The following RBM25 variants were observed in gnomAD, a reference collection of about 807,000 sequenced individuals.
RBM25 encodes RNA-binding protein 25.
Under a neutral mutation model 120.7 loss-of-function variants are expected in RBM25, and 19 were observed. The observed-to-expected ratio is 0.16, with a 90% CI of 0.11 to 0.23. The LOEUF (loss-of-function observed/expected upper bound fraction) is 0.23, where lower values mean the gene tolerates loss of function less well. Among genes scored for constraint, RBM25 ranks in the 10% least tolerant of loss-of-function variants. The pLI is 1.00. For synonymous variants in RBM25, 390 were observed against 326.7 expected (o/e 1.19, Z -2.09); for missense variants, 605 against 1,041.5 (o/e 0.58, Z 5.77).
chr14:73,066,903 TAA>T (rs1390269659), intron 1 of RBM25, among the ~76,000 whole-genome samples: 1 of 152,048 alleles, frequency 6.6e-6, no homozygotes, highest in African/African-American at 2.4e-5. Flanking sequence ...TAAATTGAAA[TAA>T]GAGTATATTT....
intron 2 of RBM25, among the ~76,000 whole-genome samples, chr14:73,075,028 CTA>C (rs935875560): frequency 6.7e-6 from 1 of 149,440 alleles, no homozygotes; most frequent in African/African-American, 2.5e-5. Context: ...TGGAGTTTTG[CTA>C]TGTTTCCTAG....
chr14:73,062,299 G>A (rs1895022476), intron 1 of RBM25, among the ~76,000 whole-genome samples: 1 of 151,184 alleles, frequency 6.6e-6, no homozygotes, highest in Non-Finnish European at 1.5e-5. Flanking sequence ...TCTTCTTTGG[G>A]CATAAAACAC....
chr14:73,082,219 G>GT (rs1265807081), intron 4 of RBM25, among the ~76,000 whole-genome samples: 2 of 152,012 alleles, frequency 1.3e-5, no homozygotes, highest in Non-Finnish European at 2.9e-5. Flanking sequence ...GTTTCCATTA[G>GT]TTTTCTCTTG....
chr14:73,075,909 G>C (rs908152837), intron 2 of RBM25, among the ~76,000 whole-genome samples: 4 of 151,628 alleles, frequency 2.6e-5, no homozygotes, highest in Admixed American at 6.6e-5. Context: ...GCCTCCCTAA[G>C]AGCTGGAATT....
chr14:73,077,842 G>A (rs1202870586), intron 4 of RBM25, among the ~76,000 whole-genome samples: 1 of 152,152 alleles, frequency 6.6e-6, no homozygotes, highest in Non-Finnish European at 1.5e-5. Context: ...GACATTCTGC[G>A]ACATAATCAC....
chr14:73,102,876 A>G (rs362425), intron 9 of RBM25: 1 of 256,088 alleles, frequency 3.9e-6, no homozygotes, highest in Non-Finnish European at 7.4e-6. Flanking sequence ...GTATTCATAG[A>G]AAATATTTCG....
rs1398671508 is a variant in RBM25 at position 73,119,905 on chromosome 14, A to T, written c.*100A>T. The stretch of plus-strand genomic sequence containing the variant: ...CTTTGAAGACATTGTGAGATCTGTA[A>T]TTTTTTTTTTTTGTAGAAAATGTGA... On this transcript the variant is annotated 3_prime_UTR_variant, in exon 19 of 19. Coordinates refer to ENST00000261973, the MANE Select transcript of RBM25 (RefSeq NM_021239.3). The T allele has an allele frequency of 6.2e-6, 7 of 1,124,886 alleles. No homozygotes were observed. The highest frequency in any genetic ancestry group is 1.9e-5 in the South Asian group (1 of 52,804). 69.7% of individuals were successfully genotyped at this position (1,124,886 alleles called of 1,614,324 possible).
intron 9 of RBM25, chr14:73,100,056 G>C: frequency 2.2e-6 from 1 of 463,624 alleles, no homozygotes; most frequent in East Asian, 3.4e-5. Flanking sequence ...TAGATTCAGG[G>C]GGCAGCAGGA....
chr14:73,120,016 CA>C lies in RBM25; in HGVS notation c.*212del. On this transcript the variant is annotated 3_prime_UTR_variant, in exon 19 of 19. Transcript: ENST00000261973. ...AATCCTTGGTTCTCTTTATACTCAC[CA>C]GGTACAAATTACTGGTATGTTTTAT... 3.4e-6 allele frequency: 2 copies of C among 590,836 alleles called. No homozygotes were observed. Among genetic ancestry groups the C allele is most frequent in the South Asian group, 4.9e-5 (2 of 40,448 alleles). 36.6% of individuals were successfully genotyped at this position (590,836 alleles called of 1,614,324 possible). A position where few individuals can be genotyped will look rare whatever the true frequency, so the allele number is the denominator to read the frequency against.
chr14:73,070,431 A>G (rs1895256850), intron 1 of RBM25, among the ~76,000 whole-genome samples: 1 of 32,978 alleles, frequency 3.0e-5, no homozygotes, highest in Non-Finnish European at 5.4e-5. Flanking sequence ...TACAAAGTTT[A>G]CTTTTAAGTT....
chr14:73,097,162 A>C lies in RBM25; in HGVS notation c.729+62A>C, dbSNP rs369716735. The C allele has an allele frequency of 4.5e-5, 45 of 990,460 alleles. No individual in the cohort carries two copies. The East Asian group carries it at 5.0e-4, about 11-fold the overall frequency. 61.4% of individuals were successfully genotyped at this position (990,460 alleles called of 1,614,324 possible). A position where few individuals can be genotyped will look rare whatever the true frequency, so the allele number is the denominator to read the frequency against. On this transcript the variant is annotated intron_variant, in intron 7 of 18. Coordinates refer to ENST00000261973, the MANE Select transcript of RBM25 (RefSeq NM_021239.3). ...TTGTTTTTTATGATATCACTCTTAT[A>C]CTTTGATTACATGTCAGTTTTCTTT...
intron 12 of RBM25, 136 bp downstream of exon 12, chr14:73,106,421 G>C (rs1304399047): frequency 3.9e-5 from 29 of 752,832 alleles, no homozygotes; most frequent in Non-Finnish European, 5.1e-5. Flanking sequence ...TATGTATTTT[G>C]AGTAATTTTG....
intron 7 of RBM25, among the ~76,000 whole-genome samples, chr14:73,097,320 C>T (rs1377570616): frequency 1.3e-5 from 2 of 150,722 alleles, no homozygotes; most frequent in African/African-American, 4.9e-5. Context: ...ACTGCCTCAG[C>T]CTCCTGAGTA....
intron 18 of RBM25, among the ~76,000 whole-genome samples, chr14:73,116,523 G>T (rs1326334880): frequency 6.6e-6 from 1 of 152,166 alleles, no homozygotes; most frequent in Non-Finnish European, 1.5e-5. Context: ...TAGAACACCT[G>T]ATAAAACATT....
At chr14:73,068,026 G>A (rs749118881) in intron 1 of RBM25, 28 of 318,618 alleles carry the variant, frequency 8.8e-5, no homozygotes, top group Admixed American at 2.2e-4. Flanking sequence ...TAAGTTGGCG[G>A]TAAGGCTGGG....
rs943552600 is a variant in RBM25, at chr14:73,122,272, T to G, written c.*2467T>G. 3 of 148,878 alleles carry G rather than the reference T, an allele frequency of 2.0e-5. No individual in the cohort carries two copies. 9.2% of individuals were successfully genotyped at this position (148,878 alleles called of 1,614,324 possible). A position where few individuals can be genotyped will look rare whatever the true frequency, so the allele number is the denominator to read the frequency against. ...GCATGAAAGTCTTTTTTTGTTGTTT[T>G]TTTGGGGTTTTTTTTTTTTTGAGAG... On this transcript the variant is annotated 3_prime_UTR_variant, in exon 19 of 19. Coordinates refer to ENST00000261973, the MANE Select transcript of RBM25 (RefSeq NM_021239.3).
intron 1 of RBM25, among the ~76,000 whole-genome samples, chr14:73,060,612 G>A (rs367732013): frequency 1.1e-4 from 17 of 151,458 alleles, no homozygotes; most frequent in African/African-American, 3.9e-4. Context: ...TTCACAAAAG[G>A]GGATTTTTGA....
chr14:73,109,742 G>A lies in RBM25; in HGVS notation c.1692+250G>A, dbSNP rs111934253. ...CGGGAGGCGGAGCTTGCAGTGAGCC[G>A]AGATCGCGCCACTGCACTCCAGCCT... On this transcript the variant is annotated intron_variant, in intron 14 of 18. Transcript: ENST00000261973. Among the ~76,000 whole-genome samples, 766 of 152,106 alleles carry A rather than the reference G, an allele frequency of 5.0e-3. 5 individuals are homozygous for A. Among genetic ancestry groups the A allele is most frequent in the African/African-American group, 0.017 (701 of 41,544 alleles).
Position 73,123,579 on chromosome 14 carries a change from CAAG to C in RBM25, c.*3780_*3782del, listed in dbSNP as rs1409809914. ...GCAGGCAAAGAAACAGTCTAGCTGT[CAAG>C]AAGAAAACAGGGAGATACATACCAA... On this transcript the variant is annotated 3_prime_UTR_variant, in exon 19 of 19. Transcript: ENST00000261973. The C allele has an allele frequency of 6.6e-6, 1 of 152,136 alleles. No homozygotes were observed. Among genetic ancestry groups the C allele is most frequent in the Non-Finnish European group, 1.5e-5 (1 of 68,022 alleles). 9.4% of individuals were successfully genotyped at this position (152,136 alleles called of 1,614,324 possible).
Sources: gnomAD v4.1 joint callset for allele counts (sites outside exome capture counted in the v4.1 genomes callset) on GRCh38, gnomAD v4.1.1 for gene constraint, MANE v1.5 for transcripts, NCBI Gene and HGNC (gene_info 2026-07-23, HGNC 2026-07-21) for gene names.